Variants in LIMS4 observed in about 807,000 individuals in gnomAD.
LIMS4 encodes LIM and senescent cell antigen-like-containing domain protein 4.
At chr2:110,392,432 G>A in the LIMS4 span, among the ~76,000 whole-genome samples, 20 of 140,724 alleles carry the variant, frequency 1.4e-4, no homozygotes, top group Middle Eastern at 3.2e-3. Flanking sequence ...GAGTGAGTCC[G>A]TCTCAAAAAA....
the LIMS4 span, among the ~76,000 whole-genome samples, chr2:110,378,611 C>T: frequency 1.2e-4 from 1 of 8,064 alleles, no homozygotes; most frequent in Admixed American, 1.3e-3. Flanking sequence ...ACCTTCATTC[C>T]CTGCTTCACT....
the LIMS4 span, among the ~76,000 whole-genome samples, chr2:110,372,771 G>T: frequency 1.3e-4 from 20 of 148,692 alleles, no homozygotes; most frequent in Middle Eastern, 3.2e-3. Context: ...CTCTCAAAGT[G>T]CTGGGATTAC....
chr2:110,376,970 CGGA>C, the LIMS4 span: 1 of 28,714 alleles, frequency 3.5e-5, no homozygotes, highest in Non-Finnish European at 6.5e-5. Context: ...GAGAAGAAAA[CGGA>C]GGAGAAGAGG....
At chr2:110,359,610 A>T in the LIMS4 span, among the ~76,000 whole-genome samples, 1 of 21,554 alleles carries the variant, frequency 4.6e-5, no homozygotes, top group African/African-American at 6.4e-5. Context: ...AGCACCCAGA[A>T]CAGGAAACGC....
chr2:110,385,363 C>T, the LIMS4 span, among the ~76,000 whole-genome samples: 1 of 136,370 alleles, frequency 7.3e-6, no homozygotes, highest in Non-Finnish European at 1.5e-5. Flanking sequence ...GCCTTTCTCA[C>T]ACTCTCCCCT....
chr2:110,395,804 C>T, the LIMS4 span, among the ~76,000 whole-genome samples: 1 of 116,804 alleles, frequency 8.6e-6, no homozygotes, highest in Non-Finnish European at 1.7e-5. Context: ...CCTTTGAGGT[C>T]CAATGAGCCA....
intron 3 of LIMS4, among the ~76,000 whole-genome samples, chr2:110,456,497 A>T (rs1230045475): frequency 1.3e-5 from 2 of 152,220 alleles, no homozygotes; most frequent in Non-Finnish European, 2.9e-5. Flanking sequence ...GTCCTAGTTC[A>T]TCCCAAAATA....
the LIMS4 span, among the ~76,000 whole-genome samples, chr2:110,390,465 G>A: frequency 3.0e-5 from 4 of 132,148 alleles, no homozygotes; most frequent in Admixed American, 7.6e-5. Flanking sequence ...TTGCCCCCTG[G>A]GATGTGGGAG....
the LIMS4 span, chr2:110,397,467 T>C: frequency 7.3e-6 from 1 of 136,270 alleles, no homozygotes; most frequent in Non-Finnish European, 1.6e-5. Flanking sequence ...TAGGTATTAA[T>C]GATAATGTAG....
the LIMS4 span, among the ~76,000 whole-genome samples, chr2:110,392,916 CT>C: frequency 3.4e-5 from 2 of 59,326 alleles, no homozygotes; most frequent in Non-Finnish European, 6.4e-5. Context: ...GAGACCCCCC[CT>C]AGGGTAGAAA....
the LIMS4 span, among the ~76,000 whole-genome samples, chr2:110,373,621 G>A: frequency 6.6e-6 from 1 of 151,448 alleles, no homozygotes; most frequent in Non-Finnish European, 1.5e-5. Context: ...GGGAAACTGA[G>A]GCCCAGAGAA....
the LIMS4 span, among the ~76,000 whole-genome samples, chr2:110,391,281 C>G: frequency 1.4e-5 from 2 of 144,058 alleles, no homozygotes; most frequent in African/African-American, 2.8e-5. Context: ...CAGCCCAGCT[C>G]AACAGGGTGC....
the LIMS4 span, among the ~76,000 whole-genome samples, chr2:110,411,507 C>T: frequency 7.3e-6 from 1 of 136,266 alleles, no homozygotes; most frequent in Non-Finnish European, 1.5e-5. Context: ...ACTGTTGTCC[C>T]CAGTGATGCT....
the LIMS4 span, among the ~76,000 whole-genome samples, chr2:110,368,767 T>G: frequency 9.8e-5 from 13 of 133,324 alleles, no homozygotes; most frequent in African/African-American, 3.6e-4. Flanking sequence ...TTTCTCTAGC[T>G]GTAAATATAA....
At chr2:110,376,221 T>G in the LIMS4 span, 1 of 139,084 alleles carries the variant, frequency 7.2e-6, no homozygotes, top group Admixed American at 6.9e-5. Flanking sequence ...GATTCTTACA[T>G]AGTCAAAAAG....
At chr2:110,390,348 C>A in the LIMS4 span, among the ~76,000 whole-genome samples, 2 of 135,052 alleles carry the variant, frequency 1.5e-5, no homozygotes, top group Non-Finnish European at 3.1e-5. Context: ...GCCGGGGCCA[C>A]CTCCCTGGAT....
At chr2:110,371,535 A>G in the LIMS4 span, among the ~76,000 whole-genome samples, 2 of 132,884 alleles carry the variant, frequency 1.5e-5, 1 homozygote, top group Admixed American at 1.4e-4. Flanking sequence ...GGCAAATGAT[A>G]GTATCTAAAC....
chr2:110,361,147 T>G, the LIMS4 span: 7 of 955,038 alleles, frequency 7.3e-6, no homozygotes, highest in Non-Finnish European at 1.2e-5. Flanking sequence ...CTATCATTTC[T>G]TTCAGGTCAG....
the LIMS4 span, among the ~76,000 whole-genome samples, chr2:110,368,984 A>T: frequency 8.7e-6 from 1 of 115,330 alleles, no homozygotes; most frequent in South Asian, 3.1e-4. Context: ...GGCCAAGCAC[A>T]GCGACCCACC....
Sources: allele counts gnomAD v4.1 joint callset (sites outside exome capture counted in the v4.1 genomes callset), GRCh38; gene constraint gnomAD v4.1.1; transcripts MANE v1.5; gene names NCBI Gene and HGNC (gene_info 2026-07-23, HGNC 2026-07-21).